Variants in MDGA2 observed in about 807,000 individuals in gnomAD.
MDGA2 encodes the protein MAM domain-containing glycosylphosphatidylinositol anchor protein 2.
A neutral mutation model predicts 117.8 loss-of-function variants in MDGA2; 40 were observed. The observed-to-expected ratio is 0.34, with a 90% confidence interval of 0.26 to 0.44. The LOEUF is 0.44. Ranked by LOEUF, MDGA2 falls within the 20% of genes least tolerant of loss-of-function variation. The pLI, the probability that MDGA2 is intolerant of heterozygous loss-of-function variation, is 1.00. For missense variants in MDGA2, 1,123 were observed against 1,250.6 expected, an observed-to-expected ratio of 0.90 and a Z score of 1.54; for synonymous variants, 452 against 439.0, an observed-to-expected ratio of 1.03 and a Z score of -0.37.
At chr14:47,658,663 G>A (rs1897789354) in intron 1 of MDGA2, among the ~76,000 whole-genome samples, 1 of 152,110 alleles carries the variant, frequency 6.6e-6, no homozygotes, top group African/African-American at 2.4e-5. Context: ...CCTTCTGCAT[G>A]AAGAAGACAT....
chr14:47,356,831 T>C (rs528967907), intron 1 of MDGA2, among the ~76,000 whole-genome samples: 2 of 152,280 alleles, frequency 1.3e-5, no homozygotes, highest in South Asian at 2.1e-4. Context: ...ACACCACCCA[T>C]TGGTGTGCCC....
At chr14:47,044,572 G>A (rs774187941) in intron 7 of MDGA2, among the ~76,000 whole-genome samples, 81 of 152,012 alleles carry the variant, frequency 5.3e-4, no homozygotes, top group African/African-American at 1.8e-3. Flanking sequence ...TATGCCTACC[G>A]TTTTTGTCCA....
intron 4 of MDGA2, among the ~76,000 whole-genome samples, chr14:47,135,206 T>C (rs1037405138): frequency 1.3e-5 from 2 of 152,056 alleles, no homozygotes; most frequent in Non-Finnish European, 2.9e-5. Context: ...TCCTCGTATA[T>C]AGGCAATTAA....
At chr14:47,160,362 A>G (rs1258236108) in intron 3 of MDGA2, among the ~76,000 whole-genome samples, 3 of 152,134 alleles carry the variant, frequency 2.0e-5, no homozygotes, top group Non-Finnish European at 4.4e-5. Context: ...CTTGCAGTTA[A>G]TGTCCAGATT....
At chr14:47,213,558 T>C (rs1020108880) in intron 3 of MDGA2, among the ~76,000 whole-genome samples, 3 of 152,152 alleles carry the variant, frequency 2.0e-5, no homozygotes, top group Non-Finnish European at 4.4e-5. Flanking sequence ...AAATGTTTGA[T>C]CTGCTAGATA....
intron 1 of MDGA2, among the ~76,000 whole-genome samples, chr14:47,605,622 G>A (rs1896728623): frequency 6.6e-6 from 1 of 151,842 alleles, no homozygotes. Context: ...TAGTGTTATA[G>A]ATAAGCTTTA....
chr14:47,461,164 A>G (rs1474394184), intron 1 of MDGA2, among the ~76,000 whole-genome samples: 1 of 152,190 alleles, frequency 6.6e-6, no homozygotes, highest in Non-Finnish European at 1.5e-5. Context: ...GGGAGGCTAG[A>G]CATGGAGTCA....
chr14:47,637,932 T>C (rs558609387), intron 1 of MDGA2, among the ~76,000 whole-genome samples: 39 of 152,318 alleles, frequency 2.6e-4, no homozygotes, highest in African/African-American at 7.5e-4. Context: ...AAAGAGATGA[T>C]ATGACACAAC....
chr14:47,360,686 C>T (rs1040857366), intron 1 of MDGA2, among the ~76,000 whole-genome samples: 1 of 152,020 alleles, frequency 6.6e-6, no homozygotes, highest in Non-Finnish European at 1.5e-5. Context: ...ACTTTAAAAA[C>T]AGGGTTTTCA....
At chr14:47,326,179 A>G (rs1890137608) in intron 1 of MDGA2, among the ~76,000 whole-genome samples, 1 of 152,170 alleles carries the variant, frequency 6.6e-6, no homozygotes, top group South Asian at 2.1e-4. Context: ...CACATCCTAT[A>G]TCTGCAAGTC....
intron 5 of MDGA2, among the ~76,000 whole-genome samples, chr14:47,117,927 TA>T (rs1486376155): frequency 1.3e-5 from 2 of 152,120 alleles, no homozygotes; most frequent in African/African-American, 4.8e-5. Context: ...ATTAATAAAA[TA>T]AAATTTAAAA....
chr14:47,014,879 G>C lies in MDGA2; in HGVS notation c.1819+20132C>G, dbSNP rs146565919. 1.0e-3 allele frequency among the ~76,000 whole-genome samples: 158 copies of C among 152,184 alleles called. 1 individual carries two copies. The highest frequency in any genetic ancestry group is 3.8e-3 in the African/African-American group (156 of 41,522). On this transcript the variant is annotated intron_variant, in intron 8 of 16. Transcript: ENST00000399232. Reference sequence around the variant, plus strand: ...AATTTTCCTTTGCATCCACAACTTGGATAACTGGTGCAAAAGGCCTAGCTT... The same window carrying C: ...AATTTTCCTTTGCATCCACAACTTGCATAACTGGTGCAAAAGGCCTAGCTT...
chr14:47,608,696 G>A (rs916408700), intron 1 of MDGA2, among the ~76,000 whole-genome samples: 14 of 152,112 alleles, frequency 9.2e-5, no homozygotes, highest in Non-Finnish European at 1.0e-4. Flanking sequence ...AAAGTTCTAA[G>A]CAGCTGAAAG....
intron 3 of MDGA2, among the ~76,000 whole-genome samples, chr14:47,182,803 T>C (rs1884760909): frequency 6.6e-6 from 1 of 152,182 alleles, no homozygotes; most frequent in Non-Finnish European, 1.5e-5. Flanking sequence ...ATGAAATTCA[T>C]ATACAAATCT....
At chr14:46,988,935 G>A (rs1313276646) in intron 8 of MDGA2, among the ~76,000 whole-genome samples, 1 of 151,504 alleles carries the variant, frequency 6.6e-6, no homozygotes, top group East Asian at 1.9e-4. Flanking sequence ...GCAAAGTACA[G>A]TTTCTGGACT....
intron 1 of MDGA2, among the ~76,000 whole-genome samples, chr14:47,531,381 A>G (rs1379422310): frequency 1.3e-5 from 2 of 152,218 alleles, no homozygotes; most frequent in African/African-American, 4.8e-5. Context: ...AAGACGCACA[A>G]TCACATAAAA....
chr14:46,957,117 A>G (rs767235309), intron 9 of MDGA2, among the ~76,000 whole-genome samples: 2 of 152,104 alleles, frequency 1.3e-5, no homozygotes, highest in Non-Finnish European at 2.9e-5. Flanking sequence ...ATTGACTAAT[A>G]TAATAACCAA....
intron 3 of MDGA2, among the ~76,000 whole-genome samples, chr14:47,209,119 A>C (rs1331354772): frequency 6.6e-6 from 1 of 152,106 alleles, no homozygotes; most frequent in Non-Finnish European, 1.5e-5. Context: ...CTTTTCCCTT[A>C]GTACTTTTGA....
In MDGA2 at chr14:46,980,153, C is replaced by T. The variant is rs140933376; in HGVS notation, c.1820-22510G>A. Among the ~76,000 whole-genome samples the T allele has an allele frequency of 8.8e-3, 1,344 of 152,236 alleles. 19 individuals carry two copies. Among genetic ancestry groups the T allele is most frequent in the African/African-American group, 0.031 (1,272 of 41,540 alleles). On this transcript the variant is annotated intron_variant, in intron 8 of 16. Transcript: ENST00000399232. ...ACATTATGAATTATGCTACAATCTACATTTGTGATTAATAGGAGGAGGTCA... is the reference window on the plus strand; with the variant it reads ...ACATTATGAATTATGCTACAATCTATATTTGTGATTAATAGGAGGAGGTCA...
Sources: allele counts gnomAD v4.1 joint callset (sites outside exome capture counted in the v4.1 genomes callset), GRCh38; gene constraint gnomAD v4.1.1; transcripts MANE v1.5; gene names NCBI Gene and HGNC (gene_info 2026-07-23, HGNC 2026-07-21).